Variants in CAST observed in about 807,000 individuals in gnomAD.
The protein encoded by CAST is calpastatin, also known as MIR583 host.
Under a neutral mutation model 119.6 loss-of-function variants are expected in CAST, and 76 were observed. The ratio of observed to expected loss-of-function variants is 0.64; its 90% CI spans 0.53 to 0.77. The LOEUF (loss-of-function observed/expected upper bound fraction) is 0.77. Ranked by LOEUF, CAST falls within the 30% of genes least tolerant of loss-of-function variation. The pLI is 0.00. For synonymous variants in CAST, 319 were observed against 331.6 expected (o/e 0.96, Z 0.41); for missense variants, 953 against 946.5 (o/e 1.01, Z -0.09).
At chr5:96,572,637 G>T (rs1473435163) in intron 1 of CAST, among the ~76,000 whole-genome samples, 1 of 152,198 alleles carries the variant, frequency 6.6e-6, no homozygotes, top group Non-Finnish European at 1.5e-5. Context: ...GTTGGACTTG[G>T]TATCTCCTGG....
At chr5:96,099,350 T>C in the CAST span, among the ~76,000 whole-genome samples, 383 of 152,290 alleles carry the variant, frequency 2.5e-3, 1 homozygote, top group Non-Finnish European at 2.2e-3. Flanking sequence ...GGCCAGGACT[T>C]CCAATATTAT....
At chr5:96,357,396 C>A in the CAST span, among the ~76,000 whole-genome samples, 167 of 152,280 alleles carry the variant, frequency 1.1e-3, 1 homozygote, top group Middle Eastern at 6.8e-3. Flanking sequence ...CAAAGGGCAT[C>A]CTTGTCTTGT....
the CAST span, among the ~76,000 whole-genome samples, chr5:96,003,203 G>A: frequency 6.6e-6 from 1 of 151,992 alleles, no homozygotes; most frequent in South Asian, 2.1e-4. Flanking sequence ...TCACACCACT[G>A]CACTCCATCC....
chr5:96,492,226 G>A, the CAST span, among the ~76,000 whole-genome samples: 1 of 152,262 alleles, frequency 6.6e-6, no homozygotes, highest in Admixed American at 6.5e-5. Context: ...TTTGAGGGAG[G>A]CTTTGATTCC....
At chr5:96,541,284 A>C (rs1745907648) in intron 1 of CAST, among the ~76,000 whole-genome samples, 1 of 152,012 alleles carries the variant, frequency 6.6e-6, no homozygotes, top group South Asian at 2.1e-4. Context: ...GAGTTCTTTC[A>C]GTTGACTCTT....
chr5:96,452,968 A>AT, the CAST span, among the ~76,000 whole-genome samples: 1 of 148,670 alleles, frequency 6.7e-6, no homozygotes, highest in African/African-American at 2.5e-5. Context: ...AAAAAAAAAA[A>AT]AAAAAAAACA....
chr5:96,159,712 T>G, the CAST span, among the ~76,000 whole-genome samples: 1 of 152,242 alleles, frequency 6.6e-6, no homozygotes, highest in Non-Finnish European at 1.5e-5. Flanking sequence ...TATACTTCAC[T>G]ATTTTTGTGT....
At chr5:96,702,839 C>A in intron 3 of CAST, 2 of 985,444 alleles carry the variant, frequency 2.0e-6, no homozygotes, top group Non-Finnish European at 2.4e-6. Context: ...GCGGAAACCG[C>A]GGGAGCCGAG....
chr5:96,426,050 G>T, the CAST span: 1 of 703,368 alleles, frequency 1.4e-6, no homozygotes, highest in South Asian at 1.5e-5. Context: ...ATTTTCATTT[G>T]ACTACAGATT....
At chr5:96,427,803 C>G in the CAST span, among the ~76,000 whole-genome samples, 1 of 152,198 alleles carries the variant, frequency 6.6e-6, no homozygotes, top group Non-Finnish European at 1.5e-5. Context: ...AGAAGGAAAT[C>G]TCTCTTCTGC....
At chr5:96,062,105 A>G in the CAST span, among the ~76,000 whole-genome samples, 2 of 152,152 alleles carry the variant, frequency 1.3e-5, no homozygotes, top group African/African-American at 4.8e-5. Flanking sequence ...GGAAGTCAGC[A>G]TCACTATCCA....
At chr5:96,501,114 C>T in the CAST span, among the ~76,000 whole-genome samples, 1 of 152,090 alleles carries the variant, frequency 6.6e-6, no homozygotes, top group Non-Finnish European at 1.5e-5. Flanking sequence ...CTGAAAACTT[C>T]GGCAGAATGG....
chr5:96,457,842 A>G, the CAST span, among the ~76,000 whole-genome samples: 863 of 152,350 alleles, frequency 5.7e-3, 9 homozygotes, highest in Non-Finnish European at 7.9e-3. Flanking sequence ...ATAGGAAGAC[A>G]GCTGTCATTT....
intron 15 of CAST, chr5:96,742,267 T>C: frequency 6.1e-6 from 1 of 163,820 alleles, no homozygotes. Flanking sequence ...TAAGCTTAGG[T>C]TGTCAGAAGC....
chr5:96,161,691 G>A, the CAST span, among the ~76,000 whole-genome samples: 1 of 152,146 alleles, frequency 6.6e-6, no homozygotes, highest in African/African-American at 2.4e-5. Context: ...TATTGAATCT[G>A]TAGATCAACT....
At position 96,770,579 on chromosome 5, in the gene CAST, G is replaced by T. The variant is rs1277571302; in HGVS notation, c.2317G>T (p.Gly773Cys). The change falls in exon 30 of 32, where the codon GGT becomes TGT. Residue 773 changes from glycine to cysteine, a missense_variant. Gly to Cys is a radical substitution (Grantham distance 159). Transcript: ENST00000675179. Reference protein sequence around the residue: ...ASSSKAPKNGGKAKDSAKTTE... With the variant: ...ASSSKAPKNGCKAKDSAKTTE... ...CAGCTCCAAAGCACCTAAGAATGGA[G>T]GTAAAGCGAAGGATTCAGCAAAGGT... 6.2e-7 allele frequency: 1 copy of T among 1,612,528 alleles called. No individual in the cohort carries two copies.
the CAST span, among the ~76,000 whole-genome samples, chr5:96,298,507 A>G: frequency 2.0e-5 from 3 of 152,200 alleles, no homozygotes; most frequent in African/African-American, 7.2e-5. Flanking sequence ...ATTTCTGTGT[A>G]TTGCTGTGAA....
chr5:96,307,921 G>T, the CAST span, among the ~76,000 whole-genome samples: 5 of 152,030 alleles, frequency 3.3e-5, no homozygotes, highest in Non-Finnish European at 7.4e-5. Context: ...AATCTGATGA[G>T]TATGTGTCTT....
the CAST span, among the ~76,000 whole-genome samples, chr5:96,419,069 C>T: frequency 6.6e-6 from 1 of 151,954 alleles, no homozygotes; most frequent in African/African-American, 2.4e-5. Flanking sequence ...ATATCCTTGT[C>T]ACACATGTTA....
Sources: gnomAD v4.1 joint callset for allele counts (sites outside exome capture counted in the v4.1 genomes callset) on GRCh38, gnomAD v4.1.1 for gene constraint, MANE v1.5 for transcripts, NCBI Gene and HGNC (gene_info 2026-07-23, HGNC 2026-07-21) for gene names.